The following RGS6 variants were observed in gnomAD, a reference collection of about 807,000 sequenced individuals.
The protein encoded by RGS6 is regulator of G-protein signaling 6.
Under a neutral mutation model 78.5 loss-of-function variants are expected in RGS6, and 30 were observed. That is an observed-to-expected ratio of 0.38 (90% confidence interval 0.29 to 0.52). The LOEUF is 0.52. Among genes scored for constraint, RGS6 ranks in the 20% least tolerant of loss-of-function variants. The pLI is 0.85. For missense variants in RGS6, 495 were observed against 609.7 expected (o/e 0.81, Z 1.98); for synonymous variants, 206 against 206.0 (o/e 1.00, Z 0.00).
At chr14:72,265,622 C>G (rs2058916815) in intron 2 of RGS6, among the ~76,000 whole-genome samples, 2 of 152,188 alleles carry the variant, frequency 1.3e-5, no homozygotes, top group African/African-American at 4.8e-5. Context: ...GACGGCTACC[C>G]AATGGCCACA....
At position 72,351,912 on chromosome 14, in the gene RGS6, C is replaced by T. The variant is rs190825770; in HGVS notation, c.85-183C>T. ...TGCTCTGTATATAACCTTCAGACCT[C>T]CCTATACCCAGCACTTGGTAGATAG... On this transcript the variant is annotated intron_variant, in intron 2 of 17. Coordinates refer to ENST00000553525, the MANE Select transcript of RGS6 (RefSeq NM_001204424.2). Among the ~76,000 whole-genome samples, 4 of 152,300 alleles carry T rather than the reference C, an allele frequency of 2.6e-5. No homozygotes were observed. The East Asian group carries it at 5.8e-4, about 22-fold the overall frequency.
chr14:72,550,490 G>T (rs1379080076), intron 17 of RGS6: 1 of 1,535,674 alleles, frequency 6.5e-7, no homozygotes, highest in Admixed American at 2.0e-5. Flanking sequence ...CCGAAAGCCT[G>T]GCCTTAACAT....
At chr14:72,165,006 G>A (rs1337840854) in intron 2 of RGS6, among the ~76,000 whole-genome samples, 1 of 152,180 alleles carries the variant, frequency 6.6e-6, no homozygotes, top group East Asian at 1.9e-4. Context: ...GGTGAGACCA[G>A]GAAGGTTGGA....
chr14:72,619,779 A>G, the RGS6 span: 2 of 957,394 alleles, frequency 2.1e-6, no homozygotes, highest in Non-Finnish European at 2.9e-6. Flanking sequence ...TGTGATGATT[A>G]AATGAGACAA....
At chr14:72,216,322 A>G (rs2045555585) in intron 2 of RGS6, among the ~76,000 whole-genome samples, 1 of 152,200 alleles carries the variant, frequency 6.6e-6, no homozygotes, top group African/African-American at 2.4e-5. Flanking sequence ...CTATTGGATT[A>G]TGCTTTCTAT....
intron 2 of RGS6, among the ~76,000 whole-genome samples, chr14:72,102,634 G>T (rs2095551088): frequency 6.6e-6 from 1 of 152,142 alleles, no homozygotes; most frequent in Non-Finnish European, 1.5e-5. Flanking sequence ...ATGCCTAACT[G>T]TAAAGCACCT....
chr14:72,385,154 T>C (rs2087548552), intron 3 of RGS6, among the ~76,000 whole-genome samples: 1 of 152,220 alleles, frequency 6.6e-6, no homozygotes, highest in South Asian at 2.1e-4. Context: ...ATAGGATAAT[T>C]TTCCATGAAT....
intron 3 of RGS6, among the ~76,000 whole-genome samples, chr14:72,415,978 A>G (rs976117532): frequency 6.6e-5 from 10 of 151,770 alleles, no homozygotes; most frequent in African/African-American, 2.2e-4. Flanking sequence ...TGAAACCCCA[A>G]CTCTACTAAA....
intron 2 of RGS6, among the ~76,000 whole-genome samples, chr14:72,146,771 CTT>C (rs1251899485): frequency 1.3e-5 from 2 of 152,262 alleles, no homozygotes; most frequent in Admixed American, 6.5e-5. Flanking sequence ...ATTTTCAAAA[CTT>C]TTACTTTCTT....
At chr14:72,415,504 C>T (rs530535187) in intron 3 of RGS6, among the ~76,000 whole-genome samples, 10 of 152,382 alleles carry the variant, frequency 6.6e-5, no homozygotes, top group Admixed American at 4.6e-4. Flanking sequence ...GGCGATGCCT[C>T]GCCCTGCTTT....
the RGS6 span, among the ~76,000 whole-genome samples, chr14:71,879,361 A>G: frequency 6.6e-6 from 1 of 152,224 alleles, no homozygotes; most frequent in African/African-American, 2.4e-5. Context: ...TGTGTGGCTT[A>G]AGAGAATTGA....
chr14:71,923,744 T>G, the RGS6 span, among the ~76,000 whole-genome samples: 2 of 151,436 alleles, frequency 1.3e-5, no homozygotes, highest in Admixed American at 1.3e-4. Flanking sequence ...AGCGAAACCA[T>G]AGCAACAGAA....
intron 6 of RGS6, among the ~76,000 whole-genome samples, chr14:72,462,624 C>T (rs556041229): frequency 1.4e-4 from 21 of 152,258 alleles, no homozygotes; most frequent in Admixed American, 4.6e-4. Context: ...GCACCTAAAA[C>T]GGTACTTGGC....
chr14:72,366,352 A>G (rs1406444982), intron 3 of RGS6, among the ~76,000 whole-genome samples: 1 of 152,196 alleles, frequency 6.6e-6, no homozygotes, highest in Admixed American at 6.5e-5. Context: ...GTTAGGGGAT[A>G]GATATGTTTG....
chr14:72,608,704 A>G, the RGS6 span, among the ~76,000 whole-genome samples: 1 of 152,200 alleles, frequency 6.6e-6, no homozygotes, highest in African/African-American at 2.4e-5. Context: ...GCCTGAAGCT[A>G]TGCTGCCCAC....
chr14:72,190,654 A>G (rs776705821), intron 2 of RGS6, among the ~76,000 whole-genome samples: 20 of 152,212 alleles, frequency 1.3e-4, no homozygotes, highest in African/African-American at 2.4e-5. Context: ...AATAAGGGAG[A>G]AGCACAGAGA....
intron 2 of RGS6, among the ~76,000 whole-genome samples, chr14:72,265,287 G>T (rs1198769096): frequency 1.3e-5 from 2 of 152,174 alleles, no homozygotes; most frequent in Non-Finnish European, 2.9e-5. Context: ...CAGCAATCCA[G>T]GCAACTCTGT....
At chr14:72,608,710 C>T in the RGS6 span, among the ~76,000 whole-genome samples, 1 of 152,334 alleles carries the variant, frequency 6.6e-6, no homozygotes, top group Middle Eastern at 3.4e-3. Context: ...AGCTATGCTG[C>T]CCACTGTGCC....
At chr14:72,488,907 TGTCTCATTGAA>T (rs2096535972) in intron 12 of RGS6, among the ~76,000 whole-genome samples, 1 of 152,238 alleles carries the variant, frequency 6.6e-6, no homozygotes, top group South Asian at 2.1e-4. Context: ...AACCCCAGCC[TGTCTCATTGAA>T]ATCTAAGGAA....
Sources: gnomAD v4.1 joint callset for allele counts (sites outside exome capture counted in the v4.1 genomes callset) on GRCh38, gnomAD v4.1.1 for gene constraint, MANE v1.5 for transcripts, NCBI Gene and HGNC (gene_info 2026-07-23, HGNC 2026-07-21) for gene names.